The following RECQL variants were observed in gnomAD, a reference collection of about 807,000 sequenced individuals.
The protein encoded by RECQL is ATP-dependent DNA helicase Q1.
A neutral mutation model predicts 75.8 loss-of-function variants in RECQL; 73 were observed. That is an observed-to-expected ratio of 0.96 (90% CI 0.80 to 1.17). The LOEUF is 1.17. RECQL is among the 50% of genes most tolerant of loss of function. The pLI is 0.00. For missense variants in RECQL, 699 were observed against 772.1 expected, an observed-to-expected ratio of 0.91 and a Z score of 1.12; for synonymous variants, 248 against 254.4, an observed-to-expected ratio of 0.97 and a Z score of 0.24.
intron 11 of RECQL, 55 bp from the exon 12 acceptor site, chr12:21,473,697 A>C: frequency 6.8e-7 from 1 of 1,464,122 alleles, no homozygotes; most frequent in Admixed American, 1.7e-5. Context: ...AGTTTTAAGA[A>C]TCTCTATTTC....
Position 21,471,424 on chromosome 12 carries a change from ATACT to A in RECQL, c.1667_1667+3del, listed in dbSNP as rs564485792. 4.1e-4 allele frequency: 652 copies of A among 1,606,884 alleles called. 1 individual carries two copies. The highest frequency in any genetic ancestry group is 5.1e-4 in the Non-Finnish European group (597 of 1,175,550). The stretch of plus-strand genomic sequence containing the variant: ...GAAAGAATAATGAATGAGTTTGTAC[ATACT>A]TAAGATACTGCTGTATTAGAAAGTG... On this transcript the variant is annotated splice_donor_variant and splice_donor_region_variant and coding_sequence_variant and intron_variant, in exon 13 of 15. Coordinates refer to ENST00000444129, the MANE Select transcript of RECQL (RefSeq NM_002907.4). LOFTEE classifies it high-confidence loss of function.
chr12:21,499,462 C>G lies in RECQL; in HGVS notation c.16+93G>C, dbSNP rs1184219104. 3.4e-6 allele frequency: 4 copies of G among 1,193,402 alleles called. No individual in the cohort carries two copies. The African/African-American group carries it at 4.7e-5, about 14-fold the overall frequency. 73.9% of individuals were successfully genotyped at this position (1,193,402 alleles called of 1,614,324 possible). A position where few individuals can be genotyped will look rare whatever the true frequency, so the allele number is the denominator to read the frequency against. On this transcript the variant is annotated intron_variant, in intron 2 of 14. Coordinates refer to ENST00000444129, the MANE Select transcript of RECQL (RefSeq NM_002907.4). The stretch of plus-strand genomic sequence containing the variant: ...ATAAAAAAGCTGAAAAAAATCATTT[C>G]TATAATCAGAATTTTTAAAACAAAC...
rs1308782847 is a variant in RECQL, at chr12:21,490,358, C to T, written c.235G>A (p.Val79Ile). ...AAGACATTTTGCAGAATATCTTTAA[C>T]TTTACCAGACCATGGAAAATCTAGG... ...NKEDFPWSGK[V>I]KDILQNVFKL... Residue 79 changes from valine (V) to isoleucine (I), a missense_variant, in exon 4 of 15, where the codon GTT becomes ATT. Physicochemically the swap from Val to Ile is conservative, Grantham distance 29 (BLOSUM62 3). Coordinates refer to ENST00000444129, the MANE Select transcript of RECQL (RefSeq NM_002907.4). 4.3e-6 allele frequency: 7 copies of T among 1,609,714 alleles called. 1 individual carries two copies. In the African/African-American group the frequency reaches 5.4e-5, roughly 12 times the overall value.
chr12:21,486,449 AT>A, intron 5 of RECQL, 29 bp downstream of exon 5: 1 of 1,543,828 alleles, frequency 6.5e-7, no homozygotes, highest in Non-Finnish European at 8.7e-7. Context: ...AATAGTTTAC[AT>A]TAAAAAAAAA....
intron 2 of RECQL, among the ~76,000 whole-genome samples, chr12:21,494,865 C>T (rs1377881550): frequency 6.6e-6 from 1 of 152,166 alleles, no homozygotes; most frequent in East Asian, 1.9e-4. Context: ...TCCAAGTAGA[C>T]CACCTGATTC....
At chr12:21,472,118 C>G (rs575153408) in intron 12 of RECQL, among the ~76,000 whole-genome samples, 1 of 152,146 alleles carries the variant, frequency 6.6e-6, no homozygotes, top group South Asian at 2.1e-4. Context: ...GTCTAATAAA[C>G]TCATAAATTT....
At chr12:21,473,723 A>G in intron 11 of RECQL, 81 bp from the exon 12 acceptor site, 1 of 1,153,054 alleles carries the variant, frequency 8.7e-7, no homozygotes, top group Non-Finnish European at 1.3e-6. Flanking sequence ...ACATAGTTAT[A>G]TACTGTATTA....
chr12:21,499,503 AC>A, intron 2 of RECQL, 51 bp downstream of exon 2: 1 of 1,459,702 alleles, frequency 6.9e-7, no homozygotes, highest in Non-Finnish European at 9.3e-7. Context: ...CAAATATCAT[AC>A]AAACAGAAAT....
At chr12:21,490,454 T>C in intron 3 of RECQL, 76 bp from the exon 4 acceptor site, 1 of 922,554 alleles carries the variant, frequency 1.1e-6, no homozygotes. Flanking sequence ...GACAAACATA[T>C]ATAAGACTTC....
At chr12:21,485,829 C>G (rs573352628) in intron 5 of RECQL, among the ~76,000 whole-genome samples, 3 of 152,084 alleles carry the variant, frequency 2.0e-5, no homozygotes, top group Admixed American at 6.5e-5. Flanking sequence ...AGTTTTTATG[C>G]TATTCTCTCT....
chr12:21,499,367 T>A (rs1488241653), intron 2 of RECQL, among the ~76,000 whole-genome samples, 188 bp downstream of exon 2: 1 of 152,196 alleles, frequency 6.6e-6, no homozygotes, highest in Non-Finnish European at 1.5e-5. Context: ...TCTAAATGCA[T>A]TTAATGCCAA....
rs149899757 is a variant in RECQL, at chr12:21,479,647, C to T, written c.701-1678G>A. Among the ~76,000 whole-genome samples the T allele has an allele frequency of 3.8e-3, 582 of 152,220 alleles. 3 individuals carry two copies. Among genetic ancestry groups the T allele is most frequent in the African/African-American group, 0.013 (560 of 41,520 alleles). On this transcript the variant is annotated intron_variant, in intron 6 of 14. Transcript: ENST00000444129. ...GGATTACAGGCGTGAGCCACCGCAC[C>T]GAGCCCATCATGTAATTTTTAAAGA... is the stretch of plus-strand genomic sequence containing the variant.
At chr12:21,499,764 G>T in intron 1 of RECQL, 149 bp from the exon 2 acceptor site, 2 of 489,908 alleles carry the variant, frequency 4.1e-6, no homozygotes, top group Non-Finnish European at 7.3e-6. Flanking sequence ...AGAACCACAT[G>T]GTTCTTTTGA....
rs57836297 is a variant in RECQL at position 21,482,367 on chromosome 12, A to C, written c.700+1009T>G. 9.0e-3 allele frequency among the ~76,000 whole-genome samples: 1,366 copies of C among 152,232 alleles called. 25 individuals carry two copies. The highest frequency in any genetic ancestry group is 0.031 in the African/African-American group (1,291 of 41,504). ...GAAGCAGAAAGCATCTGCTAAGTAC[A>C]AGTTAGGGCCTGAATAGAAAGTTAA... is the stretch of plus-strand genomic sequence containing the variant. On this transcript the variant is annotated intron_variant, in intron 6 of 14. Transcript: ENST00000444129.
rs754058832 is a variant in RECQL, at chr12:21,477,816, T to A, written c.854A>T (p.Asn285Ile). 1 of 1,611,746 alleles carries A rather than the reference T, an allele frequency of 6.2e-7. No homozygotes were observed. The highest frequency in any genetic ancestry group is 1.1e-5 in the South Asian group (1 of 90,720). ...AAAATTACATACCTCATAATATAGA[T>A]TTGGCCTATTAAAAGAAGCTGTAAA... is the stretch of plus-strand genomic sequence containing the variant. ...FTFTASFNRP[N>I]LYYEVRQKPS... The change falls in exon 7 of 15, where the codon AAT becomes ATT. Residue 285 changes from asparagine to isoleucine, a missense_variant. Physicochemically the swap from Asn to Ile is moderately radical, Grantham distance 149 (BLOSUM62 -3). Transcript: ENST00000444129.
chr12:21,496,379 A>T (rs1943509322), intron 2 of RECQL, among the ~76,000 whole-genome samples: 2 of 152,254 alleles, frequency 1.3e-5, no homozygotes, highest in African/African-American at 4.8e-5. Flanking sequence ...ATTATAGCAT[A>T]GGGGAATAGT....
At position 21,474,702 on chromosome 12, in the gene RECQL, T is replaced by A. The variant is rs1943047604; in HGVS notation, c.1355+139A>T. The A allele has an allele frequency of 4.1e-6, 3 of 737,672 alleles. No homozygotes were observed. In the Admixed American group the frequency reaches 7.4e-5, roughly 18 times the overall value. 45.7% of individuals were successfully genotyped at this position (737,672 alleles called of 1,614,324 possible). ...CAGATCATACAGGTTGATGTGCTGG[T>A]TCCTACCCTCCAACATCTGCTTTTA... On this transcript the variant is annotated intron_variant, in intron 11 of 14. Transcript: ENST00000444129.
At chr12:21,475,055 A>G (rs1288051200) in intron 10 of RECQL, 76 bp from the exon 11 acceptor site, 1 of 1,442,888 alleles carries the variant, frequency 6.9e-7, no homozygotes, top group Admixed American at 1.9e-5. Flanking sequence ...ATATGGTAAA[A>G]TTAGCAGGCA....
rs1311616786 is a variant in RECQL at position 21,470,199 on chromosome 12, C to T, written c.1945G>A (p.Ala649Thr). The change falls in exon 15 of 15, where the codon GCC (alanine) becomes ACC (threonine). Residue 649 changes from alanine to threonine, a missense_variant. Ala to Thr is a moderately conservative substitution (Grantham distance 58). Around this residue, in one of 2 missense-constraint regions of RECQL, gnomAD observed 30 missense variants for 58.6 expected, o/e 0.51. Transcript: ENST00000444129. ...TGAKKRKIDDA is the reference protein window; with the variant it reads ...TGAKKRKIDDT ...AAAATTTAGTAACATTCATATCAGG[C>T]ATCATCGATTTTTCTTTTCTTAGCT... 2 of 1,611,514 alleles carry T rather than the reference C, an allele frequency of 1.2e-6. No individual in the cohort carries two copies. The highest frequency in any genetic ancestry group is 1.7e-6 in the Non-Finnish European group (2 of 1,178,508).
Sources: allele counts gnomAD v4.1 joint callset (sites outside exome capture counted in the v4.1 genomes callset), GRCh38; gene constraint gnomAD v4.1.1; regional missense constraint gnomAD v4.1.1; transcripts MANE v1.5; gene names NCBI Gene and HGNC (gene_info 2026-07-23, HGNC 2026-07-21).